MAPK9: variants seen among roughly 807,000 people sequenced by gnomAD.
MAPK9 encodes Jun kinase.
Under a neutral mutation model 57.1 loss-of-function variants are expected in MAPK9, and 30 were observed. That is an observed-to-expected ratio of 0.53 (90% confidence interval 0.39 to 0.71). The LOEUF is 0.71. Ranked by LOEUF, MAPK9 falls within the 30% of genes least tolerant of loss-of-function variation. The pLI, the probability that MAPK9 is intolerant of heterozygous loss-of-function variation, is 0.00. For synonymous variants in MAPK9, 155 were observed against 177.0 expected (o/e 0.88, Z 0.99); for missense variants, 362 against 521.0 (o/e 0.69, Z 2.97).
At chr5:180,273,748 T>TC (rs1761573898) in intron 2 of MAPK9, among the ~76,000 whole-genome samples, 1 of 152,204 alleles carries the variant, frequency 6.6e-6, no homozygotes, top group Non-Finnish European at 1.5e-5. Context: ...GGCTAGCCTT[T>TC]CCTCATTGCT....
At chr5:180,280,224 C>T (rs1762201582) in intron 2 of MAPK9, among the ~76,000 whole-genome samples, 1 of 152,002 alleles carries the variant, frequency 6.6e-6, no homozygotes, top group South Asian at 2.1e-4. Context: ...AGAAAACTTG[C>T]TACCTATTTA....
chr5:180,240,790 T>C (rs1757578944), intron 9 of MAPK9, among the ~76,000 whole-genome samples: 1 of 152,214 alleles, frequency 6.6e-6, no homozygotes, highest in Non-Finnish European at 1.5e-5. Flanking sequence ...ACAGCAGCAT[T>C]TGCAAAATGG....
At chr5:180,280,672 G>A in intron 1 of MAPK9, 64 bp from the exon 2 acceptor site, 1 of 1,332,204 alleles carries the variant, frequency 7.5e-7, no homozygotes, top group Non-Finnish European at 1.0e-6. Flanking sequence ...TCACGTAAGA[G>A]AGTTCTGAAC....
intron 8 of MAPK9, among the ~76,000 whole-genome samples, chr5:180,241,400 C>T (rs1757646864): frequency 6.6e-6 from 1 of 151,942 alleles, no homozygotes; most frequent in Admixed American, 6.6e-5. Flanking sequence ...CGGGTTCACG[C>T]CATTCTCCTA....
Position 180,242,741 on chromosome 5 carries a change from T to G in MAPK9, c.703A>C (p.Asn235His). The G allele has an allele frequency of 1.9e-6, 3 of 1,613,180 alleles. No homozygotes were observed. The highest frequency in any genetic ancestry group is 2.5e-6 in the Non-Finnish European group (3 of 1,179,742). ...GTTCCCAGCTGCTCAATAACTTTATTCCACTGATCAATATCTAAGGAGTTT... is the reference window on the plus strand; with the variant it reads ...GTTCCCAGCTGCTCAATAACTTTATGCCACTGATCAATATCTAAGGAGTTT... ...FQGTDHIDQW[N>H]KVIEQLGTPS... Residue 235 changes from asparagine (N) to histidine (H), a missense_variant, in exon 8 of 12, where the codon AAT (asparagine) becomes CAT (histidine). By Grantham distance (68) the Asn-to-His change is moderately conservative (BLOSUM62 1). Coordinates refer to ENST00000452135, the MANE Select transcript of MAPK9 (RefSeq NM_002752.5).
At chr5:180,245,274 C>T (rs1757993637) in intron 7 of MAPK9, among the ~76,000 whole-genome samples, 4 of 152,150 alleles carry the variant, frequency 2.6e-5, no homozygotes, top group Admixed American at 2.6e-4. Context: ...ACAAGCCCAT[C>T]TCCCCGGCCA....
At position 180,241,614 on chromosome 5, in the gene MAPK9, T is replaced by C. The variant is rs925603022; in HGVS notation, c.872-459A>G. ...GCACCCAGCCATAACCCAAACATTTTTAAGAAAAAGTCAAATGTCCACTTT... is the reference window on the plus strand; with the variant it reads ...GCACCCAGCCATAACCCAAACATTTCTAAGAAAAAGTCAAATGTCCACTTT... On this transcript the variant is annotated intron_variant, in intron 8 of 11. Coordinates refer to ENST00000452135, the MANE Select transcript of MAPK9 (RefSeq NM_002752.5). Among the ~76,000 whole-genome samples the C allele has an allele frequency of 9.2e-5, 14 of 152,198 alleles. No individual in the cohort carries two copies. In the East Asian group the frequency reaches 2.7e-3, roughly 29 times the overall value.
In MAPK9 at chr5:180,249,100, G is replaced by A. The variant is rs778913365; in HGVS notation, c.489C>T (p.Cys163=). ...KPSNIVVKSD[C]TLKILDFGLA... ...GGCCAAAGTCAAGGATCTTCAGGGT[G>A]CAGTCTGATTTCACAACAATGTTGC... Residue 163 remains cysteine, a synonymous_variant, in exon 6 of 12, where the codon TGC becomes TGT. Coordinates refer to ENST00000452135, the MANE Select transcript of MAPK9 (RefSeq NM_002752.5). 4 of 1,612,438 alleles carry A rather than the reference G, an allele frequency of 2.5e-6. No homozygotes were observed. The East Asian group carries it at 8.9e-5, about 36-fold the overall frequency.
chr5:180,288,049 T>A (rs1762926366), intron 1 of MAPK9, among the ~76,000 whole-genome samples: 1 of 152,152 alleles, frequency 6.6e-6, no homozygotes, highest in Admixed American at 6.5e-5. Context: ...GCGATTGCAC[T>A]CATCTGCAAC....
intron 5 of MAPK9, chr5:180,257,741 G>C (rs891022211): frequency 6.3e-6 from 1 of 159,430 alleles, no homozygotes; most frequent in Non-Finnish European, 1.4e-5. Flanking sequence ...AAAAATTTAT[G>C]AAGTCCTATG....
chr5:180,258,660 G>T (rs1347232452), intron 5 of MAPK9, among the ~76,000 whole-genome samples: 1 of 151,582 alleles, frequency 6.6e-6, no homozygotes, highest in Non-Finnish European at 1.5e-5. Context: ...GTCAAAAATG[G>T]GATAAAGGCT....
chr5:180,266,578 A>G (rs1760579621), intron 3 of MAPK9, among the ~76,000 whole-genome samples: 1 of 151,906 alleles, frequency 6.6e-6, no homozygotes, highest in South Asian at 2.1e-4. Context: ...TTGGCCTCCC[A>G]AAGTGTTGGG....
At position 180,247,876 on chromosome 5, in the gene MAPK9, C is replaced by A; in HGVS notation, c.617-366G>T. On this transcript the variant is annotated intron_variant, in intron 6 of 11. Transcript: ENST00000452135. This position sits in a 1 kb window ranked among gnomAD's most constrained non-coding sequence, Gnocchi z 4.5. ...ATACAGTCTCTTCCCGGGAACAGGA[C>A]TTTATGGAGGACCATTTCTGCCATG... 6.2e-7 allele frequency: 1 copy of A among 1,614,160 alleles called. No homozygotes were observed. Among genetic ancestry groups the A allele is most frequent in the Non-Finnish European group, 8.5e-7 (1 of 1,180,014 alleles).
chr5:180,269,524 T>C (rs1761053461), intron 2 of MAPK9, 115 bp from the exon 3 acceptor site: 1 of 1,018,098 alleles, frequency 9.8e-7, no homozygotes, highest in Non-Finnish European at 1.5e-6. Flanking sequence ...AAAAATCTGC[T>C]TATTTCATTC....
At chr5:180,279,989 ACTGG>A (rs769582516) in intron 2 of MAPK9, 86 of 456,870 alleles carry the variant, frequency 1.9e-4, no homozygotes, top group African/African-American at 1.6e-3. Flanking sequence ...AATGACACTG[ACTGG>A]CCTCATCCTG....
intron 10 of MAPK9, among the ~76,000 whole-genome samples, 196 bp downstream of exon 10, chr5:180,239,725 TAAG>T (rs1186937458): frequency 6.6e-6 from 1 of 152,214 alleles, no homozygotes; most frequent in Non-Finnish European, 1.5e-5. Flanking sequence ...AAGCAAATGA[TAAG>T]AAATTCATAA....
Position 180,238,403 on chromosome 5 carries a change from T to C in MAPK9, c.1061A>G (p.Glu354Gly), listed in dbSNP as rs763418293. ...ATCCATGACTTCTTTGTAAATTAGC[T>C]CTTTAATAAAAATACAAGTTAAAAT... The part of the protein sequence containing the change: ...EREHAIEEWK[E>G]LIYKEVMDWE... Residue 354 changes from glutamate to glycine, a missense_variant and splice_region_variant, in exon 11 of 12, where the codon GAG (glutamate) becomes GGG (glycine). Glu to Gly is a moderately conservative substitution (Grantham distance 98, BLOSUM62 -2). This residue lies in a region of MAPK9 where 199 missense variants were observed against 251.3 expected (regional missense o/e 0.79). Transcript: ENST00000452135. 5 of 1,600,480 alleles carry C rather than the reference T, an allele frequency of 3.1e-6. No individual in the cohort carries two copies. In the South Asian group the frequency reaches 5.5e-5, roughly 18 times the overall value.
At chr5:180,259,838 A>G (rs1336990207) in intron 5 of MAPK9, among the ~76,000 whole-genome samples, 1 of 152,244 alleles carries the variant, frequency 6.6e-6, no homozygotes, top group Non-Finnish European at 1.5e-5. Flanking sequence ...GCATGTGGCA[A>G]AGCCTTTAGA....
intron 1 of MAPK9, among the ~76,000 whole-genome samples, chr5:180,286,139 C>CTTTCT (rs1170814332): frequency 7.5e-6 from 1 of 132,468 alleles, no homozygotes; most frequent in African/African-American, 2.9e-5. Flanking sequence ...ATTCTTTATT[C>CTTTCT]TTTCTTTTCT....
Sources: gnomAD v4.1 joint callset for allele counts (sites outside exome capture counted in the v4.1 genomes callset) on GRCh38, gnomAD v4.1.1 for gene constraint, gnomAD v4.1.1 regional missense constraint, Gnocchi (gnomAD v3.1) non-coding constraint, MANE v1.5 for transcripts, NCBI Gene and HGNC (gene_info 2026-07-23, HGNC 2026-07-21) for gene names.